Variants in TRAPPC12 observed in about 807,000 individuals in gnomAD.
TRAPPC12 encodes the protein TPR repeat protein 15.
In TRAPPC12, 61 loss-of-function variants were observed where a neutral mutation model predicts 69.2. The ratio of observed to expected loss-of-function variants is 0.88; its 90% confidence interval spans 0.72 to 1.09. The LOEUF (loss-of-function observed/expected upper bound fraction) is 1.09. Ranked by LOEUF, TRAPPC12 falls within the 50% of genes least tolerant of loss-of-function variation. The pLI is 0.00. For missense variants in TRAPPC12, 1,101 were observed against 1,016.4 expected (o/e 1.08, Z -1.13); for synonymous variants, 469 against 438.9 (o/e 1.07, Z -0.86).
intron 5 of TRAPPC12, among the ~76,000 whole-genome samples, chr2:3,425,271 C>T (rs1412739719): frequency 6.6e-6 from 1 of 152,162 alleles, no homozygotes; most frequent in African/African-American, 2.4e-5. Flanking sequence ...GTGTGCGTCT[C>T]TTGGTGGAGA....
At chr2:3,385,630 T>C (rs1213095962) in intron 1 of TRAPPC12, among the ~76,000 whole-genome samples, 2 of 152,250 alleles carry the variant, frequency 1.3e-5, no homozygotes, top group African/African-American at 4.8e-5. Context: ...ATAAAACTTT[T>C]AAAATCTGTG....
intron 3 of TRAPPC12, among the ~76,000 whole-genome samples, chr2:3,415,923 A>G (rs561332856): frequency 2.0e-5 from 3 of 151,214 alleles, no homozygotes; most frequent in Admixed American, 6.6e-5. Context: ...TCACCGTGTT[A>G]GCCAGGATGG....
At position 3,415,060 on chromosome 2, in the gene TRAPPC12, C is replaced by T. The variant is rs555712927; in HGVS notation, c.1165-6821C>T. Reference sequence around the variant, plus strand: ...TTTGGTATCCCAGGAGTCCTGGAACCGGTCCCCGGCAGATAGAGGGTCTGC... The same window carrying T: ...TTTGGTATCCCAGGAGTCCTGGAACTGGTCCCCGGCAGATAGAGGGTCTGC... On this transcript the variant is annotated intron_variant, in intron 3 of 11. Coordinates refer to ENST00000324266, the MANE Select transcript of TRAPPC12 (RefSeq NM_016030.6). Among the ~76,000 whole-genome samples the T allele has an allele frequency of 4.6e-5, 7 of 152,192 alleles. No individual in the cohort carries two copies. In the South Asian group the frequency reaches 6.2e-4, roughly 14 times the overall value.
At chr2:3,479,034 C>T (rs909496738) in intron 11 of TRAPPC12, 101 bp downstream of exon 11, 1 of 1,476,098 alleles carries the variant, frequency 6.8e-7, no homozygotes, top group Non-Finnish European at 9.3e-7. Context: ...CTCTCTCTCT[C>T]CAGTCCACCA....
At chr2:3,433,012 C>G (rs1258369397) in intron 5 of TRAPPC12, among the ~76,000 whole-genome samples, 3 of 152,154 alleles carry the variant, frequency 2.0e-5, no homozygotes, top group Non-Finnish European at 4.4e-5. Context: ...ATTTTTTTCT[C>G]TTAGGACTTT....
Position 3,479,439 on chromosome 2 carries a change from C to T in TRAPPC12, c.2186C>T (p.Thr729Ile), listed in dbSNP as rs1490650993. ...GGCAAGGAGGGGGACAGCTTCAACACACAGTGCCTCAAGCTGGCCTAGCTG... is the reference window on the plus strand; with the variant it reads ...GGCAAGGAGGGGGACAGCTTCAACATACAGTGCCTCAAGCTGGCCTAGCTG... ...VAGKEGDSFN[T>I]QCLKLA Residue 729 changes from threonine (T) to isoleucine (I), a missense_variant, in exon 12 of 12, where the codon ACA (threonine) becomes ATA (isoleucine). Thr to Ile is a moderately conservative substitution (Grantham distance 89). Transcript: ENST00000324266. The T allele has an allele frequency of 7.4e-6, 12 of 1,613,846 alleles. No homozygotes were observed. The South Asian group carries it at 7.7e-5, about 10-fold the overall frequency.
chr2:3,421,985 T>TTAACTGCAG lies in TRAPPC12; in HGVS notation c.1270_1271insAACTGCAGT (p.Asp423_Ser424insTer), dbSNP rs1340943334. On this transcript the variant is annotated stop_gained and inframe_insertion, in exon 4 of 12. Transcript: ENST00000324266. LOFTEE classifies it high-confidence loss of function. ...GGCTGCTCACCAGCCACACGACAGA[T>TTAACTGCAG]TCACTGCAGGTGAGAACACCTTTCA... 3.1e-6 allele frequency: 5 copies of TTAACTGCAG among 1,612,492 alleles called. No individual in the cohort carries two copies. In the South Asian group the frequency reaches 5.5e-5, roughly 18 times the overall value.
intron 3 of TRAPPC12, among the ~76,000 whole-genome samples, chr2:3,419,753 C>A (rs558058705): frequency 6.6e-6 from 1 of 152,216 alleles, no homozygotes; most frequent in African/African-American, 2.4e-5. Flanking sequence ...TACTCACCGT[C>A]AGGCTGTGGC....
intron 3 of TRAPPC12, among the ~76,000 whole-genome samples, chr2:3,411,304 G>A (rs1662044923): frequency 6.6e-6 from 1 of 152,222 alleles, no homozygotes; most frequent in African/African-American, 2.4e-5. Flanking sequence ...GCGTCACTGT[G>A]TGGAGAGAAG....
At chr2:3,418,937 G>C (rs1362197395) in intron 3 of TRAPPC12, among the ~76,000 whole-genome samples, 1 of 152,050 alleles carries the variant, frequency 6.6e-6, no homozygotes, top group Non-Finnish European at 1.5e-5. Context: ...TGCTTCCCCA[G>C]CCTCTCCTCA....
At position 3,420,388 on chromosome 2, in the gene TRAPPC12, TGAA is replaced by T. The variant is rs1441043097; in HGVS notation, c.1165-1489_1165-1487del. Among the ~76,000 whole-genome samples the T allele has an allele frequency of 2.6e-5, 4 of 152,178 alleles. No homozygotes were observed. The South Asian group carries it at 6.2e-4, about 24-fold the overall frequency. On this transcript the variant is annotated intron_variant, in intron 3 of 11. Transcript: ENST00000324266. ...CACGCACACGCTGACTCTGGATTGA[TGAA>T]GAAACAGTTTGGGAATTTTTAACAG... is the stretch of plus-strand genomic sequence containing the variant.
chr2:3,457,773 CCTT>C lies in TRAPPC12; in HGVS notation c.1603+83_1603+85del, dbSNP rs937782660. ...GAGCCCAAAGCCTCTCGCTTCCTCT[CCTT>C]CTCCTTTCCTTTCTGTAGTCAGCAC... is the stretch of plus-strand genomic sequence containing the variant. On this transcript the variant is annotated intron_variant, in intron 7 of 11. Transcript: ENST00000324266. The C allele has an allele frequency of 1.9e-4, 290 of 1,566,216 alleles. 4 individuals carry two copies. In the South Asian group the frequency reaches 2.0e-3, roughly 11 times the overall value.
In TRAPPC12 at chr2:3,462,692, A is replaced by G. The variant is rs571274478; in HGVS notation, c.1677+2356A>G. The stretch of plus-strand genomic sequence containing the variant: ...ATTATAAAGCATTGAAAATGTCACT[A>G]TCTTCACTTTTTAAATACTTCTTCC... On this transcript the variant is annotated intron_variant, in intron 8 of 11. Transcript: ENST00000324266. Among the ~76,000 whole-genome samples, 30 of 152,376 alleles carry G rather than the reference A, an allele frequency of 2.0e-4. No individual in the cohort carries two copies. In the South Asian group the frequency reaches 4.1e-3, roughly 21 times the overall value.
At chr2:3,405,595 A>G (rs1477139402) in intron 3 of TRAPPC12, among the ~76,000 whole-genome samples, 1 of 152,226 alleles carries the variant, frequency 6.6e-6, no homozygotes, top group Non-Finnish European at 1.5e-5. Context: ...TAGTGTATTC[A>G]TTGAGCAAAC....
At chr2:3,394,494 G>A (rs1224586165) in intron 2 of TRAPPC12, among the ~76,000 whole-genome samples, 1 of 152,118 alleles carries the variant, frequency 6.6e-6, no homozygotes, top group Non-Finnish European at 1.5e-5. Flanking sequence ...GGTGGTGCAC[G>A]CCTGTAGTCC....
chr2:3,401,599 A>G (rs1396946933), intron 2 of TRAPPC12, among the ~76,000 whole-genome samples, 178 bp from the exon 3 acceptor site: 1 of 152,266 alleles, frequency 6.6e-6, no homozygotes, highest in Non-Finnish European at 1.5e-5. Context: ...TATGCATTTT[A>G]TTAACGATTG....
chr2:3,478,964 C>G, intron 11 of TRAPPC12, 31 bp downstream of exon 11: 1 of 1,603,074 alleles, frequency 6.2e-7, no homozygotes, highest in East Asian at 2.2e-5. Flanking sequence ...GATCCTCCAT[C>G]CTCTGCCTTT....
At chr2:3,436,898 TC>T (rs1663827326) in intron 5 of TRAPPC12, among the ~76,000 whole-genome samples, 1 of 65,816 alleles carries the variant, frequency 1.5e-5, no homozygotes. Flanking sequence ...CCTGGATTAA[TC>T]TCCCCACCAC....
At chr2:3,380,365 CTG>C (rs2103408748) in intron 1 of TRAPPC12, among the ~76,000 whole-genome samples, 1 of 152,354 alleles carries the variant, frequency 6.6e-6, no homozygotes, top group South Asian at 2.1e-4. Context: ...ATTTGAGTCA[CTG>C]TGTAAACGTC....
Sources: gnomAD v4.1 joint callset for allele counts (sites outside exome capture counted in the v4.1 genomes callset) on GRCh38, gnomAD v4.1.1 for gene constraint, MANE v1.5 for transcripts, NCBI Gene and HGNC (gene_info 2026-07-23, HGNC 2026-07-21) for gene names.